NOVA1: variants seen among roughly 807,000 people sequenced by gnomAD.
NOVA1 encodes RNA-binding protein Nova-1.
Under a neutral mutation model 38.0 loss-of-function variants are expected in NOVA1, and 7 were observed. That is an observed-to-expected ratio of 0.18 (90% CI 0.10 to 0.35). NOVA1 has a LOEUF of 0.35. NOVA1 is among the 10% of genes least tolerant of loss of function. The pLI, the probability that NOVA1 is intolerant of heterozygous loss-of-function variation, is 1.00. For missense variants in NOVA1, 460 were observed against 616.0 expected, an observed-to-expected ratio of 0.75 and a Z score of 2.68; for synonymous variants, 270 against 232.5, an observed-to-expected ratio of 1.16 and a Z score of -1.47.
rs1338969270 is a variant in NOVA1 at position 26,445,511 on chromosome 14, A to C, written c.*2448T>G. On this transcript the variant is annotated 3_prime_UTR_variant, in exon 5 of 5. Coordinates refer to ENST00000539517, the MANE Select transcript of NOVA1 (RefSeq NM_002515.3). ...TTACAATTAAAATTGAACTAAGTGC[A>C]TTTTCAGCAACACTAGCTAATAAAA... 1.3e-5 allele frequency: 2 copies of C among 152,224 alleles called. No homozygotes were observed. Among genetic ancestry groups the C allele is most frequent in the African/African-American group, 4.8e-5 (2 of 41,476 alleles). 9.4% of individuals were successfully genotyped at this position (152,224 alleles called of 1,614,324 possible). A position where few individuals can be genotyped will look rare whatever the true frequency, so the allele number is the denominator to read the frequency against.
chr14:26,554,146 G>A (rs1175646814), intron 2 of NOVA1, among the ~76,000 whole-genome samples: 4 of 92,382 alleles, frequency 4.3e-5, no homozygotes, highest in Admixed American at 1.3e-4. Context: ...AAAAAAGAAA[G>A]AAAAGGAAGA....
chr14:26,516,615 T>C (rs1839696605), intron 2 of NOVA1, among the ~76,000 whole-genome samples: 1 of 152,216 alleles, frequency 6.6e-6, no homozygotes, highest in Admixed American at 6.5e-5. Context: ...ACTCAGACTA[T>C]GCTTTCACAA....
At chr14:26,465,857 C>T (rs180910324) in intron 4 of NOVA1, among the ~76,000 whole-genome samples, 2 of 152,220 alleles carry the variant, frequency 1.3e-5, no homozygotes, top group African/African-American at 4.8e-5. Context: ...ATGCAATTTA[C>T]TTTACTCAGA....
intron 4 of NOVA1, among the ~76,000 whole-genome samples, chr14:26,456,305 T>G (rs1391107463): frequency 6.6e-6 from 1 of 151,934 alleles, no homozygotes; most frequent in African/African-American, 2.4e-5. Context: ...TTTATCCATT[T>G]TAAGCTTAAA....
At chr14:26,586,403 C>G (rs1893516566) in intron 2 of NOVA1, among the ~76,000 whole-genome samples, 1 of 151,174 alleles carries the variant, frequency 6.6e-6, no homozygotes, top group East Asian at 1.9e-4. Context: ...CGTTGCCTTA[C>G]AATTAGCCTC....
At chr14:26,521,754 G>A (rs1888916241) in intron 2 of NOVA1, among the ~76,000 whole-genome samples, 2 of 151,954 alleles carry the variant, frequency 1.3e-5, no homozygotes, top group Non-Finnish European at 2.9e-5. Flanking sequence ...TAATATATAG[G>A]TTCAGAAAGT....
intron 2 of NOVA1, 64 bp from the exon 3 acceptor site, chr14:26,480,207 A>C (rs1353461435): frequency 6.9e-7 from 1 of 1,450,908 alleles, no homozygotes; most frequent in African/African-American, 1.4e-5. Flanking sequence ...ATTATGAAAA[A>C]GGATGATATC....
rs1412617853 is a variant in NOVA1, at chr14:26,574,497, A to G, written c.280+20913T>C. On this transcript the variant is annotated intron_variant, in intron 2 of 4. Coordinates refer to ENST00000539517, the MANE Select transcript of NOVA1 (RefSeq NM_002515.3). ...AACTTAATTCTGTTAATTTCCCCATATATCCTTCTCTCCCATGACGTCTTA... is the reference window on the plus strand; with the variant it reads ...AACTTAATTCTGTTAATTTCCCCATGTATCCTTCTCTCCCATGACGTCTTA... Among the ~76,000 whole-genome samples the G allele has an allele frequency of 5.3e-5, 8 of 152,140 alleles. No individual in the cohort carries two copies. The South Asian group carries it at 1.2e-3, about 24-fold the overall frequency.
chr14:26,565,894 G>C (rs1892107953), intron 2 of NOVA1, among the ~76,000 whole-genome samples: 1 of 151,896 alleles, frequency 6.6e-6, no homozygotes, highest in South Asian at 2.1e-4. Context: ...CTTTCATACA[G>C]AAAAAAATAT....
chr14:26,518,245 C>T (rs1047155018), intron 2 of NOVA1, among the ~76,000 whole-genome samples: 2 of 151,970 alleles, frequency 1.3e-5, no homozygotes, highest in African/African-American at 4.8e-5. Context: ...TTCACAAACA[C>T]TGTGTTGGGA....
At chr14:26,478,703 C>T (rs1885192319) in intron 3 of NOVA1, among the ~76,000 whole-genome samples, 1 of 151,870 alleles carries the variant, frequency 6.6e-6, no homozygotes, top group Admixed American at 6.6e-5. Context: ...GATTTTACAG[C>T]TTTAAAATAT....
intron 2 of NOVA1, among the ~76,000 whole-genome samples, chr14:26,527,710 G>A (rs1889404589): frequency 6.6e-6 from 1 of 152,108 alleles, no homozygotes; most frequent in Admixed American, 6.5e-5. Context: ...TTCCTAGGTT[G>A]TCCATTGTCA....
intron 2 of NOVA1, among the ~76,000 whole-genome samples, chr14:26,570,392 A>G (rs2138717675): frequency 6.6e-6 from 1 of 152,214 alleles, no homozygotes; most frequent in Middle Eastern, 3.4e-3. Context: ...GAAATTAAAA[A>G]AAAAAAACTC....
intron 2 of NOVA1, among the ~76,000 whole-genome samples, chr14:26,533,988 G>C (rs187228736): frequency 2.6e-5 from 4 of 152,244 alleles, no homozygotes; most frequent in African/African-American, 9.6e-5. Flanking sequence ...TAAATGCAAA[G>C]AGAATTTTCA....
chr14:26,443,318 G>C lies in NOVA1; in HGVS notation c.*4641C>G, dbSNP rs948317541. 6.6e-6 allele frequency: 1 copy of C among 151,618 alleles called. No homozygotes were observed. Among genetic ancestry groups the C allele is most frequent in the South Asian group, 2.1e-4 (1 of 4,810 alleles). The allele number at this position is 151,618 out of a possible 1,614,324, so 9.4% of individuals were successfully genotyped here. ...TTTAAAAAAAATTCGGCACATACAC[G>C]TTAAATATTTTTCCTTAAAAAAATA... On this transcript the variant is annotated 3_prime_UTR_variant, in exon 5 of 5. Coordinates refer to ENST00000539517, the MANE Select transcript of NOVA1 (RefSeq NM_002515.3).
chr14:26,482,730 C>T (rs1023516322), intron 2 of NOVA1, among the ~76,000 whole-genome samples: 31 of 152,084 alleles, frequency 2.0e-4, no homozygotes, highest in African/African-American at 7.2e-4. Context: ...CAGAGTCTCA[C>T]TTTATCACTC....
chr14:26,580,520 C>A (rs1179172071), intron 2 of NOVA1, among the ~76,000 whole-genome samples: 1 of 151,872 alleles, frequency 6.6e-6, no homozygotes, highest in Non-Finnish European at 1.5e-5. Flanking sequence ...TATTATAGAA[C>A]ACTTATTTAG....
At chr14:26,470,522 A>G (rs570418152) in intron 4 of NOVA1, 2 of 1,392,512 alleles carry the variant, frequency 1.4e-6, no homozygotes, top group Admixed American at 3.4e-5. Flanking sequence ...AACAGAGTAT[A>G]AGTAACAATA....
At chr14:26,571,450 T>C (rs1892465672) in intron 2 of NOVA1, among the ~76,000 whole-genome samples, 1 of 151,930 alleles carries the variant, frequency 6.6e-6, no homozygotes, top group African/African-American at 2.4e-5. Context: ...GAAAAAACAA[T>C]AAAGAGAAAT....
Sources: gnomAD v4.1 joint callset for allele counts (sites outside exome capture counted in the v4.1 genomes callset) on GRCh38, gnomAD v4.1.1 for gene constraint, MANE v1.5 for transcripts, NCBI Gene and HGNC (gene_info 2026-07-23, HGNC 2026-07-21) for gene names.